MEIS1: variants seen among roughly 807,000 people sequenced by gnomAD.
The protein encoded by MEIS1 is Meis homeobox 1.
In MEIS1, 5 loss-of-function variants were observed where a neutral mutation model predicts 50.8. That is an observed-to-expected ratio of 0.10 (90% confidence interval 0.05 to 0.21). The LOEUF is 0.21. Ranked by LOEUF, MEIS1 falls within the 10% of genes least tolerant of loss-of-function variation. The pLI, the probability that MEIS1 is intolerant of heterozygous loss-of-function variation, is 1.00. For missense variants in MEIS1, 318 were observed against 517.3 expected (o/e 0.61, Z 3.74); for synonymous variants, 176 against 179.3 (o/e 0.98, Z 0.15).
At chr2:66,461,835 A>G (rs1181696045) in intron 6 of MEIS1, 3 of 469,568 alleles carry the variant, frequency 6.4e-6, no homozygotes, top group African/African-American at 6.0e-5. Flanking sequence ...AGCAAGGAAA[A>G]TCTTTTCATG....
At chr2:66,450,773 A>G (rs1672261259) in intron 6 of MEIS1, among the ~76,000 whole-genome samples, 1 of 152,174 alleles carries the variant, frequency 6.6e-6, no homozygotes, top group African/African-American at 2.4e-5. Flanking sequence ...GCTTAGAATG[A>G]ATTGTTGCTT....
intron 7 of MEIS1, among the ~76,000 whole-genome samples, chr2:66,503,371 C>T (rs954084511): frequency 5.3e-5 from 8 of 152,132 alleles, no homozygotes; most frequent in Non-Finnish European, 1.5e-5. Flanking sequence ...GTTCCTTTGG[C>T]CTGGAATGCT....
chr2:66,449,304 A>C (rs2103707894), intron 6 of MEIS1, among the ~76,000 whole-genome samples: 1 of 152,226 alleles, frequency 6.6e-6, no homozygotes, highest in Admixed American at 6.5e-5. Flanking sequence ...ACAGTCTCCC[A>C]ATTTAAGTTT....
At chr2:66,542,536 C>A (rs528588011) in intron 8 of MEIS1, among the ~76,000 whole-genome samples, 1 of 152,314 alleles carries the variant, frequency 6.6e-6, no homozygotes, top group South Asian at 2.1e-4. Flanking sequence ...ATTCCCATAC[C>A]TTTTAAAGTA....
intron 9 of MEIS1, among the ~76,000 whole-genome samples, chr2:66,558,235 C>T (rs1249171070): frequency 6.9e-5 from 9 of 130,552 alleles, no homozygotes; most frequent in East Asian, 2.5e-4. Flanking sequence ...GCCGAGATTG[C>T]GCCACTGCAC....
At chr2:66,542,202 A>G (rs1674671187) in intron 8 of MEIS1, among the ~76,000 whole-genome samples, 1 of 152,208 alleles carries the variant, frequency 6.6e-6, no homozygotes, top group Non-Finnish European at 1.5e-5. Context: ...ATTTAGATCC[A>G]CAGTATTCCC....
intron 2 of MEIS1, among the ~76,000 whole-genome samples, chr2:66,438,929 A>G (rs1034017421): frequency 6.6e-6 from 1 of 152,064 alleles, no homozygotes; most frequent in African/African-American, 2.4e-5. Context: ...GTTAACTACA[A>G]GTGGTTTAGG....
rs1273447625 is a variant in MEIS1 at position 66,572,000 on chromosome 2, G to GCT, written c.*801_*802dup. 13 of 164,848 alleles carry GCT rather than the reference G, an allele frequency of 7.9e-5. No individual in the cohort carries two copies. The Admixed American group carries it at 8.4e-4, about 11-fold the overall frequency. 10.2% of individuals were successfully genotyped at this position (164,848 alleles called of 1,614,324 possible). A position where few individuals can be genotyped will look rare whatever the true frequency, so the allele number is the denominator to read the frequency against. ...CGCCTAGGATTTCAGCCATGCGCGCGCTCTCTCTCTTTCTCTCTCTTTTCC... is the reference window on the plus strand; with the variant it reads ...CGCCTAGGATTTCAGCCATGCGCGCGCTCTCTCTCTCTTTCTCTCTCTTTTCC... On this transcript the variant is annotated 3_prime_UTR_variant, in exon 13 of 13. Transcript: ENST00000272369.
intron 9 of MEIS1, among the ~76,000 whole-genome samples, chr2:66,560,442 A>G (rs1675184089): frequency 6.6e-6 from 1 of 151,746 alleles, no homozygotes; most frequent in Admixed American, 6.6e-5. Context: ...AAAACGACAA[A>G]AACTAGCTAG....
chr2:66,483,515 T>C (rs1022005452), intron 7 of MEIS1, among the ~76,000 whole-genome samples: 14 of 152,224 alleles, frequency 9.2e-5, no homozygotes, highest in African/African-American at 2.7e-4. Flanking sequence ...GTAAACTTGG[T>C]GGGCCATCAA....
chr2:66,568,529 C>G, intron 10 of MEIS1, 138 bp from the exon 11 acceptor site: 1 of 344,254 alleles, frequency 2.9e-6, no homozygotes. Context: ...AGAAATTTCA[C>G]TTTGAATGTT....
chr2:66,453,271 T>A (rs931458115), intron 6 of MEIS1, among the ~76,000 whole-genome samples: 1 of 151,944 alleles, frequency 6.6e-6, no homozygotes, highest in Non-Finnish European at 1.5e-5. Flanking sequence ...CTTTCAATAA[T>A]CCAAATACTC....
chr2:66,556,357 A>C (rs1349702385), intron 9 of MEIS1, among the ~76,000 whole-genome samples: 1 of 152,204 alleles, frequency 6.6e-6, no homozygotes, highest in East Asian at 1.9e-4. Context: ...TGGTTGAAGA[A>C]GGGGAAAAGT....
intron 6 of MEIS1, among the ~76,000 whole-genome samples, chr2:66,447,247 G>T (rs923792194): frequency 1.3e-5 from 2 of 152,192 alleles, no homozygotes; most frequent in African/African-American, 4.8e-5. Flanking sequence ...TGGTCCCTTT[G>T]TCAGGTAGTT....
intron 8 of MEIS1, among the ~76,000 whole-genome samples, chr2:66,521,167 T>C (rs2103872510): frequency 6.6e-6 from 1 of 152,340 alleles, no homozygotes; most frequent in Middle Eastern, 3.4e-3. Context: ...TGTGACAATC[T>C]TGATAATTTT....
At chr2:66,510,427 A>G (rs1279693953) in intron 7 of MEIS1, among the ~76,000 whole-genome samples, 1 of 152,208 alleles carries the variant, frequency 6.6e-6, no homozygotes, top group Non-Finnish European at 1.5e-5. Flanking sequence ...CACTGATACA[A>G]CAATGGCTTT....
chr2:66,467,520 C>T (rs1482606473), intron 7 of MEIS1, among the ~76,000 whole-genome samples: 1 of 151,814 alleles, frequency 6.6e-6, no homozygotes, highest in Non-Finnish European at 1.5e-5. Context: ...TCGCTTGAAC[C>T]CAGGAGGCGG....
Position 66,437,769 on chromosome 2 carries a change from T to C in MEIS1, c.45T>C (p.Asp15=), listed in dbSNP as rs765619731. ...YDDLPHYGGM[D]GVGIPSTMYG... ...ATCTACCCCATTACGGGGGCATGGA[T>C]GGAGTAGGCATCCCCTCCACGATGT... The change falls in exon 2 of 13, where the codon GAT becomes GAC. Residue 15 remains aspartate, a synonymous_variant. Coordinates refer to ENST00000272369, the MANE Select transcript of MEIS1 (RefSeq NM_002398.3). 3.1e-6 allele frequency: 5 copies of C among 1,613,886 alleles called. No homozygotes were observed. In the Admixed American group the frequency reaches 8.3e-5, roughly 27 times the overall value.
intron 8 of MEIS1, among the ~76,000 whole-genome samples, chr2:66,536,170 C>A (rs1053958848): frequency 2.6e-5 from 4 of 152,034 alleles, no homozygotes; most frequent in African/African-American, 9.7e-5. Context: ...AACACATAAA[C>A]CCCGGGATCT....
Sources: gnomAD v4.1 joint callset for allele counts (sites outside exome capture counted in the v4.1 genomes callset) on GRCh38, gnomAD v4.1.1 for gene constraint, MANE v1.5 for transcripts, NCBI Gene and HGNC (gene_info 2026-07-23, HGNC 2026-07-21) for gene names.